Variants in LUC7L2 observed in about 807,000 individuals in gnomAD.
LUC7L2 encodes LUC7 like 2, pre-mRNA splicing factor, also known as putative RNA-binding protein Luc7-like 2.
LUC7L2 carries 25 observed loss-of-function variants against 52.8 expected under a neutral mutation model. The observed-to-expected ratio is 0.47, with a 90% CI of 0.34 to 0.66. LUC7L2 has a LOEUF of 0.66. Among genes scored for constraint, LUC7L2 ranks in the 30% least tolerant of loss-of-function variants. The pLI is 0.01. For missense variants in LUC7L2, 328 were observed against 497.8 expected (o/e 0.66, Z 3.25); for synonymous variants, 144 against 160.9 (o/e 0.89, Z 0.80).
At chr7:139,413,588 G>A (rs1795462696) in intron 8 of LUC7L2, among the ~76,000 whole-genome samples, 1 of 152,126 alleles carries the variant, frequency 6.6e-6, no homozygotes, top group African/African-American at 2.4e-5. Context: ...GACCAGCCTG[G>A]CCAACATGGC....
intron 1 of LUC7L2, among the ~76,000 whole-genome samples, chr7:139,343,026 A>G (rs1050321458): frequency 3.9e-5 from 6 of 152,196 alleles, no homozygotes; most frequent in Non-Finnish European, 8.8e-5. Flanking sequence ...CTCCACAGGG[A>G]AAATACAGTG....
intron 4 of LUC7L2, among the ~76,000 whole-genome samples, chr7:139,402,762 G>A (rs1794970335): frequency 1.3e-5 from 2 of 152,096 alleles, no homozygotes; most frequent in South Asian, 4.1e-4. Context: ...GGCCTCAAGC[G>A]ATCTACCCAC....
At chr7:139,367,974 C>T (rs1585080647) in intron 1 of LUC7L2, among the ~76,000 whole-genome samples, 2 of 152,234 alleles carry the variant, frequency 1.3e-5, no homozygotes, top group East Asian at 1.9e-4. Context: ...GCATTATGGA[C>T]GGGAGCAGAG....
intron 5 of LUC7L2, 152 bp from the exon 6 acceptor site, chr7:139,407,022 T>TTTTG: frequency 3.1e-6 from 1 of 319,780 alleles, no homozygotes; most frequent in Non-Finnish European, 5.1e-6. Flanking sequence ...TTTTTTTTTT[T>TTTTG]GAGCTGGAGT....
At position 139,422,789 on chromosome 7, in the gene LUC7L2, T is replaced by C. The variant is rs749160785; in HGVS notation, c.*449T>C. 4 of 399,690 alleles carry C rather than the reference T, an allele frequency of 1.0e-5. No homozygotes were observed. Among genetic ancestry groups the C allele is most frequent in the Non-Finnish European group, 1.8e-5 (4 of 226,620 alleles). 24.8% of individuals were successfully genotyped at this position (399,690 alleles called of 1,614,324 possible). On this transcript the variant is annotated 3_prime_UTR_variant, in exon 10 of 10. Transcript: ENST00000354926. ...TAAGAGAAAGGGGGCAGGGAAGCAA[T>C]ATAGCTTCCATTCTAAGGCTGTATT...
At chr7:139,360,844 A>G (rs561750251) in intron 1 of LUC7L2, among the ~76,000 whole-genome samples, 6 of 152,160 alleles carry the variant, frequency 3.9e-5, no homozygotes, top group Admixed American at 3.9e-4. Context: ...AGAAACAACC[A>G]TTTTTATGGA....
intron 2 of LUC7L2, among the ~76,000 whole-genome samples, chr7:139,395,666 G>T (rs1476692464): frequency 6.6e-6 from 1 of 152,042 alleles, no homozygotes; most frequent in African/African-American, 2.4e-5. Context: ...TTTGAGACAG[G>T]GTCTAGCTCT....
intron 1 of LUC7L2, among the ~76,000 whole-genome samples, chr7:139,369,460 C>A (rs1800331248): frequency 6.6e-6 from 1 of 152,160 alleles, no homozygotes; most frequent in South Asian, 2.1e-4. Flanking sequence ...TCCCTGCCAG[C>A]TACCAAGACC....
chr7:139,391,487 A>C (rs1206119916), intron 2 of LUC7L2, among the ~76,000 whole-genome samples: 1 of 152,226 alleles, frequency 6.6e-6, no homozygotes, highest in East Asian at 1.9e-4. Flanking sequence ...AAATGTATAA[A>C]TCAACCTTTT....
chr7:139,360,240 G>A lies in LUC7L2; in HGVS notation c.-22G>A. 6.5e-7 allele frequency: 1 copy of A among 1,528,890 alleles called. No homozygotes were observed. The highest frequency in any genetic ancestry group is 8.8e-7 in the Non-Finnish European group (1 of 1,131,680). 94.7% of individuals were successfully genotyped at this position (1,528,890 alleles called of 1,614,324 possible). Reference sequence around the variant, plus strand: ...CCCGGTCTGCGCCCCACCCCCGCCCGTCCGCCCGCTACGCCGCCGCCATGT... The same window carrying A: ...CCCGGTCTGCGCCCCACCCCCGCCCATCCGCCCGCTACGCCGCCGCCATGT... On this transcript the variant is annotated 5_prime_UTR_variant, in exon 1 of 10. Transcript: ENST00000354926.
At chr7:139,380,643 C>T (rs1800966283) in intron 2 of LUC7L2, among the ~76,000 whole-genome samples, 1 of 152,112 alleles carries the variant, frequency 6.6e-6, no homozygotes, top group Non-Finnish European at 1.5e-5. Context: ...TTTTTCTATT[C>T]TTCTAGAATA....
intron 1 of LUC7L2, among the ~76,000 whole-genome samples, chr7:139,372,185 G>C (rs1800485558): frequency 6.6e-6 from 1 of 151,924 alleles, no homozygotes. Context: ...TTTTATAGGT[G>C]GGATATTTTT....
At chr7:139,377,936 A>G (rs999163253) in intron 2 of LUC7L2, among the ~76,000 whole-genome samples, 1 of 144,786 alleles carries the variant, frequency 6.9e-6, no homozygotes, top group Non-Finnish European at 1.5e-5. Context: ...TCCCACCTCA[A>G]CCTCCCAAGT....
rs1053621416 is a variant in LUC7L2 at position 139,419,958 on chromosome 7, A to G, written c.1002-2205A>G. 9.8e-5 allele frequency among the ~76,000 whole-genome samples: 15 copies of G among 152,306 alleles called. 1 individual carries two copies. Among genetic ancestry groups the G allele is most frequent in the Middle Eastern group, 6.8e-3 (2 of 294 alleles). ...TTTCATACAACATCAAGTTATTGCT[A>G]CATATTTGGGTTTAATTTTTCAAGG... On this transcript the variant is annotated intron_variant, in intron 9 of 9. Coordinates refer to ENST00000354926, the MANE Select transcript of LUC7L2 (RefSeq NM_016019.5).
chr7:139,340,562 C>T (rs1798884293), intron 1 of LUC7L2: 3 of 397,994 alleles, frequency 7.5e-6, no homozygotes, highest in Non-Finnish European at 1.3e-5. Flanking sequence ...TCTCTAACTA[C>T]AACTCCCAGC....
intron 2 of LUC7L2, among the ~76,000 whole-genome samples, chr7:139,380,209 T>G (rs1420838891): frequency 6.6e-6 from 1 of 151,664 alleles, no homozygotes; most frequent in Non-Finnish European, 1.5e-5. Context: ...TCAGAGGAGG[T>G]AAAACAGAAC....
intron 7 of LUC7L2, among the ~76,000 whole-genome samples, chr7:139,411,695 C>T (rs1012229089): frequency 1.1e-4 from 17 of 152,142 alleles, no homozygotes; most frequent in African/African-American, 3.9e-4. Flanking sequence ...TGAGCGTTAC[C>T]TGTGTGCTAG....
At chr7:139,420,062 A>G (rs1182041361) in intron 9 of LUC7L2, among the ~76,000 whole-genome samples, 1 of 120,106 alleles carries the variant, frequency 8.3e-6, no homozygotes, top group Non-Finnish European at 1.6e-5. Flanking sequence ...TGATACAAGT[A>G]GATTCTTTGT....
At chr7:139,407,893 T>C (rs939318255) in intron 6 of LUC7L2, among the ~76,000 whole-genome samples, 3 of 152,230 alleles carry the variant, frequency 2.0e-5, no homozygotes, top group African/African-American at 7.2e-5. Flanking sequence ...AACACAGTTT[T>C]TACTCTTGTT....
Sources: gnomAD v4.1 joint callset for allele counts (sites outside exome capture counted in the v4.1 genomes callset) on GRCh38, gnomAD v4.1.1 for gene constraint, MANE v1.5 for transcripts, NCBI Gene and HGNC (gene_info 2026-07-23, HGNC 2026-07-21) for gene names.